The following PRLR variants were observed in gnomAD, a reference collection of about 807,000 sequenced individuals.
PRLR encodes hPRL receptor.
A neutral mutation model predicts 40.2 loss-of-function variants in PRLR; 13 were observed. That is an observed-to-expected ratio of 0.32 (90% CI 0.21 to 0.51). The LOEUF is 0.51. PRLR is among the 20% of genes least tolerant of loss of function. The pLI, the probability that PRLR is intolerant of heterozygous loss-of-function variation, is 0.97. For missense variants in PRLR, 656 were observed against 747.3 expected (o/e 0.88, Z 1.42); for synonymous variants, 269 against 278.7 (o/e 0.97, Z 0.35).
chr5:35,066,386 A>G (rs115620381), intron 9 of PRLR, among the ~76,000 whole-genome samples: 253 of 152,324 alleles, frequency 1.7e-3, no homozygotes, highest in Middle Eastern at 6.8e-3. Flanking sequence ...ACAGATAACT[A>G]TAAAATGAAG....
At chr5:35,150,278 A>G (rs1034362491) in intron 1 of PRLR, among the ~76,000 whole-genome samples, 1 of 152,196 alleles carries the variant, frequency 6.6e-6, no homozygotes, top group Non-Finnish European at 1.5e-5. Flanking sequence ...GGATTGTTCT[A>G]TGGTTTTCCA....
chr5:35,072,515 G>T, intron 6 of PRLR, 60 bp downstream of exon 6: 1 of 1,535,092 alleles, frequency 6.5e-7, no homozygotes, highest in Non-Finnish European at 8.9e-7. Flanking sequence ...GTTTTCAGTT[G>T]TGAGGGCTTT....
At chr5:35,068,095 A>G in intron 9 of PRLR, 121 bp downstream of exon 9, 1 of 864,026 alleles carries the variant, frequency 1.2e-6, no homozygotes, top group East Asian at 2.5e-5. Flanking sequence ...ACCAGGAGAG[A>G]CAGTCCAAAA....
chr5:35,110,639 T>G (rs1290271012), intron 2 of PRLR, among the ~76,000 whole-genome samples: 5 of 152,194 alleles, frequency 3.3e-5, no homozygotes, highest in Non-Finnish European at 7.4e-5. Context: ...GGCTCATTTC[T>G]AGAGACATGG....
chr5:35,209,147 T>G (rs543480823), intron 1 of PRLR, among the ~76,000 whole-genome samples: 1 of 152,088 alleles, frequency 6.6e-6, no homozygotes, highest in Non-Finnish European at 1.5e-5. Flanking sequence ...TCAGTGTTTT[T>G]TTTTTCTTCT....
Position 35,230,342 on chromosome 5 carries a change from G to A in PRLR, c.-180C>T, listed in dbSNP as rs1412600019. On this transcript the variant is annotated 5_prime_UTR_variant, in exon 1 of 10. Transcript: ENST00000618457. The stretch of plus-strand genomic sequence containing the variant: ...ACGAGGACATGAAGCTCCATTGTGT[G>A]GAAAGCTGTTTCGCGAACGGTCGGT... 2 of 152,324 alleles carry A rather than the reference G, an allele frequency of 1.3e-5. No homozygotes were observed. Among genetic ancestry groups the A allele is most frequent in the African/African-American group, 4.8e-5 (2 of 41,472 alleles). 9.4% of individuals were successfully genotyped at this position (152,324 alleles called of 1,614,324 possible).
Position 35,065,773 on chromosome 5 carries a change from C to A in PRLR, c.1185G>T (p.Gln395His). 6.2e-7 allele frequency: 1 copy of A among 1,614,122 alleles called. No individual in the cohort carries two copies. The highest frequency in any genetic ancestry group is 8.5e-7 in the Non-Finnish European group (1 of 1,180,018). The change falls in exon 10 of 10, where the codon CAG becomes CAT. Residue 395 changes from glutamine (Q) to histidine (H), a missense_variant. Around this residue, in one of 3 missense-constraint regions of PRLR, gnomAD observed 469 missense variants for 491.5 expected, o/e 0.95. Coordinates refer to ENST00000618457, the MANE Select transcript of PRLR (RefSeq NM_000949.7). ...GGATTTTGCCTTCCATGCTTATGCA[C>A]TGGGGGTCCCAGGTGTGGGTTGTTT... Reference protein sequence around the residue: ...NPETTHTWDPQCISMEGKIPY... With the variant: ...NPETTHTWDPHCISMEGKIPY...
At chr5:35,066,975 G>A (rs577049112) in intron 9 of PRLR, among the ~76,000 whole-genome samples, 13 of 152,170 alleles carry the variant, frequency 8.5e-5, no homozygotes, top group African/African-American at 2.9e-4. Flanking sequence ...ATGTTAGCCA[G>A]GATGGTCTTG....
intron 1 of PRLR, among the ~76,000 whole-genome samples, chr5:35,140,237 T>C (rs1395140972): frequency 6.6e-6 from 1 of 152,224 alleles, no homozygotes; most frequent in Non-Finnish European, 1.5e-5. Flanking sequence ...CCTTATTAGT[T>C]TTATTCAATG....
chr5:35,134,775 T>C (rs2962094), intron 1 of PRLR, among the ~76,000 whole-genome samples: 97,559 of 152,074 alleles, frequency 0.64, 32,477 homozygotes, highest in African/African-American at 0.79. Context: ...ACAGTGAGTC[T>C]CCAGTGATGC....
At chr5:35,227,857 A>T (rs531877142) in intron 1 of PRLR, among the ~76,000 whole-genome samples, 2 of 152,196 alleles carry the variant, frequency 1.3e-5, no homozygotes, top group Non-Finnish European at 2.9e-5. Context: ...AGCTGCAGGC[A>T]CAGCACTAGC....
chr5:35,106,837 G>A (rs1385101762), intron 2 of PRLR, among the ~76,000 whole-genome samples: 8 of 152,110 alleles, frequency 5.3e-5, no homozygotes, highest in Non-Finnish European at 1.0e-4. Context: ...AGTTAACAAG[G>A]ATATTCAGAA....
intron 7 of PRLR, among the ~76,000 whole-genome samples, chr5:35,069,341 G>T (rs1398942832): frequency 6.6e-6 from 1 of 152,160 alleles, no homozygotes; most frequent in Non-Finnish European, 1.5e-5. Flanking sequence ...CAGGCTTTCT[G>T]CCTCTAGACC....
chr5:35,107,127 C>T (rs1290465206), intron 2 of PRLR, among the ~76,000 whole-genome samples: 1 of 152,174 alleles, frequency 6.6e-6, no homozygotes, highest in African/African-American at 2.4e-5. Flanking sequence ...TGAATGACTA[C>T]TGGGTAAATA....
chr5:35,066,545 G>T (rs2112375409), intron 9 of PRLR, among the ~76,000 whole-genome samples: 1 of 151,830 alleles, frequency 6.6e-6, no homozygotes, highest in South Asian at 2.1e-4. Context: ...TCCTTCTGTG[G>T]TTCATCTTCC....
chr5:35,181,538 C>A (rs7707188), intron 1 of PRLR, among the ~76,000 whole-genome samples: 1 of 152,146 alleles, frequency 6.6e-6, no homozygotes, highest in East Asian at 1.9e-4. Context: ...TTAGAAGAGT[C>A]CTTCTTCATC....
At chr5:35,123,656 G>C (rs1043679503) in intron 1 of PRLR, among the ~76,000 whole-genome samples, 2 of 152,132 alleles carry the variant, frequency 1.3e-5, no homozygotes, top group Non-Finnish European at 2.9e-5. Flanking sequence ...CTGGTCCCGT[G>C]GTCCTTGGAA....
At chr5:35,154,550 A>T (rs1412682596) in intron 1 of PRLR, among the ~76,000 whole-genome samples, 1 of 152,176 alleles carries the variant, frequency 6.6e-6, no homozygotes, top group Non-Finnish European at 1.5e-5. Context: ...GGGAGTGTAA[A>T]TTAGTTCAAC....
intron 1 of PRLR, among the ~76,000 whole-genome samples, chr5:35,176,477 A>G (rs1469358103): frequency 6.6e-6 from 1 of 152,160 alleles, no homozygotes; most frequent in African/African-American, 2.4e-5. Context: ...ACTAAGAAAA[A>G]TTCTTCTGCC....
Sources: gnomAD v4.1 joint callset for allele counts (sites outside exome capture counted in the v4.1 genomes callset) on GRCh38, gnomAD v4.1.1 for gene constraint, gnomAD v4.1.1 regional missense constraint, MANE v1.5 for transcripts, NCBI Gene and HGNC (gene_info 2026-07-23, HGNC 2026-07-21) for gene names.